The following HPS5 variants were observed in gnomAD, a reference collection of about 807,000 sequenced individuals.
HPS5 encodes the protein BLOC-2 complex member HPS5.
Under a neutral mutation model 128.0 loss-of-function variants are expected in HPS5, and 83 were observed. That is an observed-to-expected ratio of 0.65 (90% CI 0.54 to 0.78). HPS5 has a LOEUF of 0.78. Ranked by LOEUF, HPS5 falls within the 30% of genes least tolerant of loss-of-function variation. The pLI is 0.00. For missense variants in HPS5, 1,281 were observed against 1,326.2 expected, an observed-to-expected ratio of 0.97 and a Z score of 0.53; for synonymous variants, 475 against 470.2, an observed-to-expected ratio of 1.01 and a Z score of -0.13.
intron 8 of HPS5, 44 bp from the exon 9 acceptor site, chr11:18,300,960 A>G (rs1390418682): frequency 9.0e-7 from 1 of 1,112,472 alleles, no homozygotes; most frequent in Admixed American, 1.7e-5. Context: ...GCTAGGATAC[A>G]AAAGTTTATA....
In HPS5 at chr11:18,296,263, G is replaced by A. The variant is rs1338759261; in HGVS notation, c.1511-141C>T. ...AATCACAACTGACCCAGAAACAAAT[G>A]AGTGGAACACAGGTTTACAAAATGC... On this transcript the variant is annotated intron_variant, in intron 12 of 22. Coordinates refer to ENST00000349215, the MANE Select transcript of HPS5 (RefSeq NM_181507.2). 4.9e-6 allele frequency: 4 copies of A among 816,956 alleles called. No homozygotes were observed. The Admixed American group carries it at 9.1e-5, about 19-fold the overall frequency. 50.6% of individuals were successfully genotyped at this position (816,956 alleles called of 1,614,324 possible).
At chr11:18,319,255 C>CCACACACACACACACACA (rs10531816) in intron 1 of HPS5, among the ~76,000 whole-genome samples, 9 of 139,216 alleles carry the variant, frequency 6.5e-5, no homozygotes, top group African/African-American at 2.2e-4. Context: ...AAGACAAATA[C>CCACACACACACACACACA]CACACACACA....
At chr11:18,305,039 C>T (rs1462613733) in intron 8 of HPS5, among the ~76,000 whole-genome samples, 2 of 152,336 alleles carry the variant, frequency 1.3e-5, no homozygotes, top group East Asian at 1.9e-4. Flanking sequence ...CTTACAAGAA[C>T]AAGTTCTACA....
At chr11:18,318,337 C>G (rs1433088927) in intron 1 of HPS5, among the ~76,000 whole-genome samples, 1 of 152,176 alleles carries the variant, frequency 6.6e-6, no homozygotes, top group African/African-American at 2.4e-5. Flanking sequence ...TATCAGCAAA[C>G]CCTACAGTTA....
intron 5 of HPS5, among the ~76,000 whole-genome samples, chr11:18,309,726 C>T (rs1054625363): frequency 2.0e-5 from 3 of 152,158 alleles, no homozygotes; most frequent in Admixed American, 1.3e-4. Flanking sequence ...AATAGCCAGG[C>T]GCAGTGGCTC....
intron 15 of HPS5, 32 bp downstream of exon 15, chr11:18,292,867 A>G (rs1273989004): frequency 6.6e-7 from 1 of 1,506,038 alleles, no homozygotes; most frequent in South Asian, 1.1e-5. Context: ...CTGCCTTGAG[A>G]CGTCACTATA....
In HPS5 at chr11:18,278,927, G is replaced by C. The variant is rs1590031449; in HGVS notation, c.*955C>G. 6.6e-6 allele frequency: 1 copy of C among 152,530 alleles called. No homozygotes were observed. Among genetic ancestry groups the C allele is most frequent in the African/African-American group, 2.4e-5 (1 of 41,568 alleles). 9.4% of individuals were successfully genotyped at this position (152,530 alleles called of 1,614,324 possible). ...GGCTTCTTAGAAATAATTTTAAAAA[G>C]TGCATGATTCTTGTGGGCTACTCTG... On this transcript the variant is annotated 3_prime_UTR_variant, in exon 23 of 23. Coordinates refer to ENST00000349215, the MANE Select transcript of HPS5 (RefSeq NM_181507.2).
intron 16 of HPS5, among the ~76,000 whole-genome samples, chr11:18,291,077 G>A (rs1461139965): frequency 6.6e-6 from 1 of 152,188 alleles, no homozygotes; most frequent in Non-Finnish European, 1.5e-5. Flanking sequence ...AATTAGCTGG[G>A]CGTGGTGGTG....
At chr11:18,318,733 A>G (rs927284833) in intron 1 of HPS5, among the ~76,000 whole-genome samples, 1 of 152,232 alleles carries the variant, frequency 6.6e-6, no homozygotes, top group Non-Finnish European at 1.5e-5. Context: ...AAGCCAATGA[A>G]TACAACAGAA....
intron 2 of HPS5, among the ~76,000 whole-genome samples, chr11:18,316,797 T>C (rs1002861541): frequency 7.2e-5 from 11 of 152,240 alleles, no homozygotes; most frequent in Admixed American, 5.2e-4. Context: ...AGCAATAACA[T>C]TGATTAGTGA....
chr11:18,314,224 T>C (rs1046265740), intron 2 of HPS5, among the ~76,000 whole-genome samples: 2 of 151,744 alleles, frequency 1.3e-5, no homozygotes, highest in Non-Finnish European at 2.9e-5. Flanking sequence ...TTGGGCAACA[T>C]AGTAAGACCG....
intron 16 of HPS5, among the ~76,000 whole-genome samples, chr11:18,288,729 C>A (rs917113528): frequency 1.0e-5 from 1 of 99,400 alleles, no homozygotes; most frequent in African/African-American, 4.1e-5. Flanking sequence ...ACCTTGAACT[C>A]CTGGCTGTGT....
chr11:18,318,072 T>A (rs1216439757), intron 1 of HPS5, among the ~76,000 whole-genome samples, 165 bp from the exon 2 acceptor site: 1 of 152,196 alleles, frequency 6.6e-6, no homozygotes, highest in Non-Finnish European at 1.5e-5. Context: ...GTGTTTACAT[T>A]GTGTCATTCC....
chr11:18,312,643 T>C (rs191163040), intron 2 of HPS5, among the ~76,000 whole-genome samples: 1 of 152,324 alleles, frequency 6.6e-6, no homozygotes. Context: ...AGGGTTGTCA[T>C]GTAACTCAAT....
intron 2 of HPS5, among the ~76,000 whole-genome samples, chr11:18,313,680 C>A (rs923515897): frequency 1.3e-5 from 2 of 152,136 alleles, no homozygotes; most frequent in African/African-American, 4.8e-5. Context: ...CTTTGGGAGG[C>A]CAAGGTGGGC....
At chr11:18,306,913 A>C (rs1862437854) in intron 6 of HPS5, among the ~76,000 whole-genome samples, 1 of 152,196 alleles carries the variant, frequency 6.6e-6, no homozygotes, top group Non-Finnish European at 1.5e-5. Context: ...GCCTGGGAAC[A>C]CGGAAGGTGA....
chr11:18,292,042 A>G (rs1015403232), intron 15 of HPS5, 23 bp from the exon 16 acceptor site: 1 of 1,564,100 alleles, frequency 6.4e-7, no homozygotes, highest in Non-Finnish European at 8.8e-7. Flanking sequence ...GACAAGTATG[A>G]AATTCATGTG....
chr11:18,304,611 T>G (rs1862136928), intron 8 of HPS5, among the ~76,000 whole-genome samples: 2 of 152,244 alleles, frequency 1.3e-5, no homozygotes, highest in Non-Finnish European at 2.9e-5. Flanking sequence ...ACACTTCAAT[T>G]ATTTTTAAAA....
At position 18,287,916 on chromosome 11, in the gene HPS5, C is replaced by A. The variant is rs770036861; in HGVS notation, c.2538G>T (p.Pro846=). 6.2e-7 allele frequency: 1 copy of A among 1,614,004 alleles called. No homozygotes were observed. Among genetic ancestry groups the A allele is most frequent in the Non-Finnish European group, 8.5e-7 (1 of 1,179,984 alleles). The part of the protein sequence containing the change: ...LLDDEVPFDS[P]LLVVYATRLY... ...ACCGGGTAGCATAAACAACCAACAA[C>A]GGACTATCAAAAGGAACCTCGTCAT... is the stretch of plus-strand genomic sequence containing the variant. Residue 846 remains proline (P), a synonymous_variant, in exon 17 of 23, where the codon CCG becomes CCT. Coordinates refer to ENST00000349215, the MANE Select transcript of HPS5 (RefSeq NM_181507.2).
Sources: gnomAD v4.1 joint callset for allele counts (sites outside exome capture counted in the v4.1 genomes callset) on GRCh38, gnomAD v4.1.1 for gene constraint, MANE v1.5 for transcripts, NCBI Gene and HGNC (gene_info 2026-07-23, HGNC 2026-07-21) for gene names.